RTF2: variants seen among roughly 807,000 people sequenced by gnomAD.
RTF2 encodes the protein replication termination factor 2.
RTF2 carries 18 observed loss-of-function variants against 38.0 expected under a neutral mutation model. The ratio of observed to expected loss-of-function variants is 0.47; its 90% CI spans 0.33 to 0.70. RTF2 has a LOEUF of 0.70. Among genes scored for constraint, RTF2 ranks in the 30% least tolerant of loss-of-function variants. The pLI, the probability that RTF2 is intolerant of heterozygous loss-of-function variation, is 0.02. For missense variants in RTF2, 311 were observed against 379.6 expected (o/e 0.82, Z 1.50); for synonymous variants, 126 against 137.1 (o/e 0.92, Z 0.57).
At chr20:56,509,589 G>A (rs1984503967) in intron 5 of RTF2, among the ~76,000 whole-genome samples, 2 of 148,860 alleles carry the variant, frequency 1.3e-5, no homozygotes, top group South Asian at 4.3e-4. Context: ...CTGCAGCCTG[G>A]CGACAAAGCG....
intron 5 of RTF2, among the ~76,000 whole-genome samples, chr20:56,499,734 T>C (rs776707359): frequency 2.0e-5 from 3 of 151,806 alleles, no homozygotes; most frequent in Admixed American, 6.6e-5. Flanking sequence ...TTTTTTCTGT[T>C]GTCCTTTTAT....
intron 3 of RTF2, 114 bp from the exon 4 acceptor site, chr20:56,476,871 A>C: frequency 1.1e-6 from 1 of 937,954 alleles, no homozygotes; most frequent in East Asian, 2.7e-5. Flanking sequence ...AGTAACTGTG[A>C]GGGAGAGGTT....
intron 5 of RTF2, chr20:56,491,411 A>G (rs1983115918): frequency 1.6e-6 from 1 of 642,420 alleles, no homozygotes; most frequent in Non-Finnish European, 2.7e-6. Context: ...CCTGTAATCA[A>G]TAGTAAAGTC....
In RTF2 at chr20:56,478,916, A is replaced by G. The variant is rs1413419243; in HGVS notation, c.398+1792A>G. The stretch of plus-strand genomic sequence containing the variant: ...TAAGCTTATGTAATATTTCAAATCT[A>G]TCATAACAATATTCACAGCATCTTC... On this transcript the variant is annotated intron_variant, in intron 4 of 8. Coordinates refer to ENST00000357348, the MANE Select transcript of RTF2 (RefSeq NM_016407.5). Among the ~76,000 whole-genome samples, 7 of 152,350 alleles carry G rather than the reference A, an allele frequency of 4.6e-5. No individual in the cohort carries two copies. The East Asian group carries it at 1.2e-3, about 25-fold the overall frequency.
intron 5 of RTF2, 43 bp downstream of exon 5, chr20:56,484,232 A>C (rs756218515): frequency 6.7e-7 from 1 of 1,481,738 alleles, no homozygotes; most frequent in South Asian, 1.1e-5. Context: ...TCTGTAGCTG[A>C]GGAAATCAGA....
chr20:56,499,252 A>G (rs1983761491), intron 5 of RTF2, among the ~76,000 whole-genome samples: 2 of 145,178 alleles, frequency 1.4e-5, no homozygotes, highest in Non-Finnish European at 3.0e-5. Context: ...GCTGGAGTGC[A>G]ATGGTGCGAT....
chr20:56,496,207 C>T (rs1461843721), intron 5 of RTF2, among the ~76,000 whole-genome samples: 2 of 152,132 alleles, frequency 1.3e-5, no homozygotes, highest in African/African-American at 2.4e-5. Context: ...AGAACATTTA[C>T]AAGGCCAAAG....
intron 5 of RTF2, chr20:56,497,346 C>A: frequency 6.5e-7 from 1 of 1,550,216 alleles, no homozygotes; most frequent in Non-Finnish European, 8.7e-7. Context: ...AATCCTGGAG[C>A]AGTTTCCTGG....
Position 56,468,766 on chromosome 20 carries a change from G to T in RTF2, c.69G>T (p.Lys23Asn). 6.3e-7 allele frequency: 1 copy of T among 1,577,714 alleles called. No homozygotes were observed. Among genetic ancestry groups the T allele is most frequent in the Non-Finnish European group, 8.6e-7 (1 of 1,161,816 alleles). Residue 23 changes from lysine to asparagine, a missense_variant and splice_region_variant, in exon 1 of 9, where the codon AAG (lysine) becomes AAT (asparagine). Lys to Asn is a moderately conservative substitution (Grantham distance 94, BLOSUM62 0). Coordinates refer to ENST00000357348, the MANE Select transcript of RTF2 (RefSeq NM_016407.5). ...ELVKGPKKVE[K>N]VDKDAELVAQ... is the part of the protein sequence containing the mutation. ...TGAAGGGGCCGAAGAAGGTTGAGAA[G>T]GTCAGTGATGTGGGCCGGCTCTTGG...
intron 5 of RTF2, among the ~76,000 whole-genome samples, chr20:56,500,790 C>CT (rs1229565167): frequency 6.6e-6 from 1 of 151,782 alleles, no homozygotes; most frequent in African/African-American, 2.4e-5. Flanking sequence ...TCAACATAAA[C>CT]TTTTTTTTGA....
chr20:56,474,138 G>T (rs1372325114), intron 2 of RTF2, among the ~76,000 whole-genome samples: 5 of 152,154 alleles, frequency 3.3e-5, no homozygotes, highest in African/African-American at 4.8e-5. Flanking sequence ...AAAAAGCCTT[G>T]TTCAGGTTAC....
intron 5 of RTF2, among the ~76,000 whole-genome samples, chr20:56,492,252 A>AT (rs1032283408): frequency 6.6e-6 from 1 of 151,370 alleles, no homozygotes; most frequent in Non-Finnish European, 1.5e-5. Context: ...TAATTTTTGT[A>AT]TTTTTTATAG....
At position 56,497,610 on chromosome 20, in the gene RTF2, T is replaced by C. The variant is rs531695586; in HGVS notation, c.477+13421T>C. On this transcript the variant is annotated intron_variant, in intron 5 of 8. Coordinates refer to ENST00000357348, the MANE Select transcript of RTF2 (RefSeq NM_016407.5). Reference sequence around the variant, plus strand: ...CTTTGTGGCTCGAAGCTGGCTCATATCTTGAGCTCCAGGTGCATTCTTATT... The same window carrying C: ...CTTTGTGGCTCGAAGCTGGCTCATACCTTGAGCTCCAGGTGCATTCTTATT... The C allele has an allele frequency of 3.8e-5, 49 of 1,302,268 alleles. No individual in the cohort carries two copies. The East Asian group carries it at 1.7e-3, about 45-fold the overall frequency. The allele number at this position is 1,302,268 out of a possible 1,614,324, so 80.7% of individuals were successfully genotyped here.
At chr20:56,480,077 TCTC>T (rs573709040) in intron 4 of RTF2, among the ~76,000 whole-genome samples, 33 of 152,240 alleles carry the variant, frequency 2.2e-4, no homozygotes, top group African/African-American at 7.7e-4. Context: ...AGGCATTACT[TCTC>T]CTTTTTAGCA....
intron 5 of RTF2, among the ~76,000 whole-genome samples, chr20:56,505,364 T>C (rs887000349): frequency 6.6e-6 from 1 of 151,960 alleles, no homozygotes; most frequent in Non-Finnish European, 1.5e-5. Context: ...GGTGCGCACC[T>C]GTAGTCCTAG....
chr20:56,514,906 G>A (rs1984922330), intron 6 of RTF2, among the ~76,000 whole-genome samples: 1 of 152,142 alleles, frequency 6.6e-6, no homozygotes, highest in South Asian at 2.1e-4. Context: ...TGGTAGGCGG[G>A]CGTGGTGGCG....
chr20:56,505,314 C>T (rs1045457890), intron 5 of RTF2, among the ~76,000 whole-genome samples: 9 of 151,618 alleles, frequency 5.9e-5, no homozygotes, highest in African/African-American at 1.7e-4. Flanking sequence ...AGCAAGACCC[C>T]GTCTCTACAA....
At chr20:56,500,771 G>A (rs776011508) in intron 5 of RTF2, among the ~76,000 whole-genome samples, 7 of 152,112 alleles carry the variant, frequency 4.6e-5, no homozygotes, top group Non-Finnish European at 1.0e-4. Context: ...AGTTTAGTTT[G>A]TCATTGTTTC....
intron 5 of RTF2, among the ~76,000 whole-genome samples, chr20:56,489,225 T>TA (rs1390424173): frequency 2.0e-5 from 3 of 150,566 alleles, no homozygotes; most frequent in Non-Finnish European, 3.0e-5. Flanking sequence ...CTGGTTATTT[T>TA]TTTTTTTTTT....
Sources: gnomAD v4.1 joint callset for allele counts (sites outside exome capture counted in the v4.1 genomes callset) on GRCh38, gnomAD v4.1.1 for gene constraint, MANE v1.5 for transcripts, NCBI Gene and HGNC (gene_info 2026-07-23, HGNC 2026-07-21) for gene names.